PTPRD: variants seen among roughly 807,000 people sequenced by gnomAD.
The protein encoded by PTPRD is receptor-type tyrosine-protein phosphatase delta.
In PTPRD, 34 loss-of-function variants were observed where a neutral mutation model predicts 214.5. The ratio of observed to expected loss-of-function variants is 0.16; its 90% CI spans 0.12 to 0.21. The LOEUF (loss-of-function observed/expected upper bound fraction) is 0.21. PTPRD is among the 10% of genes least tolerant of loss of function. PTPRD has a pLI of 1.00. For missense variants in PTPRD, 2,545 were observed against 2,398.7 expected (o/e 1.06, Z -1.27); for synonymous variants, 1,128 against 845.7 (o/e 1.33, Z -5.79).
Position 8,521,553 on chromosome 9 carries a change from C to A in PTPRD, c.692-7G>T, listed in dbSNP as rs1219774902. On this transcript the variant is annotated splice_polypyrimidine_tract_variant and splice_region_variant and intron_variant, in intron 19 of 45. Transcript: ENST00000381196. ...CTTGGTGGGACACGGCGAACTGGAACAAAACACAAGGGAAATGATAACATA... is the reference window on the plus strand; with the variant it reads ...CTTGGTGGGACACGGCGAACTGGAAAAAAACACAAGGGAAATGATAACATA... 7 of 1,611,600 alleles carry A rather than the reference C, an allele frequency of 4.3e-6. No homozygotes were observed. In the South Asian group the frequency reaches 5.5e-5, roughly 13 times the overall value.
At chr9:8,384,789 A>G (rs2086392544) in intron 37 of PTPRD, among the ~76,000 whole-genome samples, 1 of 151,896 alleles carries the variant, frequency 6.6e-6, no homozygotes, top group African/African-American at 2.4e-5. Flanking sequence ...GCCTCTCAAA[A>G]CGCTGAGATT....
At chr9:10,197,677 G>C (rs2154330210) in intron 3 of PTPRD, among the ~76,000 whole-genome samples, 1 of 152,222 alleles carries the variant, frequency 6.6e-6, no homozygotes, top group Non-Finnish European at 1.5e-5. Flanking sequence ...TCACCAGTAG[G>C]TAGTGTTAGA....
chr9:10,390,172 A>G (rs1424621032), intron 2 of PTPRD, among the ~76,000 whole-genome samples: 2 of 151,836 alleles, frequency 1.3e-5, no homozygotes, highest in Non-Finnish European at 2.9e-5. Context: ...ATCATTTCAT[A>G]TGCTGTATAT....
intron 39 of PTPRD, among the ~76,000 whole-genome samples, chr9:8,342,218 A>T (rs540349108): frequency 3.9e-5 from 6 of 152,058 alleles, no homozygotes; most frequent in Non-Finnish European, 5.9e-5. Flanking sequence ...AAAATATTAA[A>T]TCCATAATCA....
intron 3 of PTPRD, among the ~76,000 whole-genome samples, chr9:10,037,398 T>A (rs143930666): frequency 6.6e-6 from 1 of 152,100 alleles, no homozygotes; most frequent in African/African-American, 2.4e-5. Flanking sequence ...GTGCAGCACC[T>A]CTCTGCACCC....
chr9:10,063,588 C>T (rs1482946256), intron 3 of PTPRD, among the ~76,000 whole-genome samples: 3 of 151,888 alleles, frequency 2.0e-5, no homozygotes, highest in Admixed American at 6.6e-5. Context: ...GGCAGAATAC[C>T]GCATATGTAA....
At chr9:8,985,288 T>C (rs1022298692) in intron 11 of PTPRD, among the ~76,000 whole-genome samples, 1 of 152,092 alleles carries the variant, frequency 6.6e-6, no homozygotes, top group African/African-American at 2.4e-5. Context: ...CAGAACTAGA[T>C]GATTGGATGC....
At chr9:9,959,988 G>A (rs1221090482) in intron 4 of PTPRD, among the ~76,000 whole-genome samples, 1 of 152,050 alleles carries the variant, frequency 6.6e-6, no homozygotes, top group Non-Finnish European at 1.5e-5. Flanking sequence ...TGCCTAGAGG[G>A]CCTAGAAGAA....
chr9:8,960,527 T>C (rs913546275), intron 11 of PTPRD, among the ~76,000 whole-genome samples: 4 of 152,004 alleles, frequency 2.6e-5, no homozygotes, highest in Non-Finnish European at 5.9e-5. Flanking sequence ...CAAAGTGCAG[T>C]TGGAAGATAG....
intron 7 of PTPRD, among the ~76,000 whole-genome samples, chr9:9,585,847 A>G (rs143237536): frequency 3.3e-5 from 5 of 152,032 alleles, no homozygotes; most frequent in African/African-American, 1.2e-4. Flanking sequence ...AAAATCTAAC[A>G]ATGAATAAAA....
At chr9:10,263,393 C>T (rs2093826306) in intron 3 of PTPRD, among the ~76,000 whole-genome samples, 2 of 152,210 alleles carry the variant, frequency 1.3e-5, no homozygotes, top group South Asian at 2.1e-4. Flanking sequence ...TTCCTAGAGA[C>T]TTGTTGGATG....
chr9:8,820,053 TTC>T (rs1380110189), intron 11 of PTPRD, among the ~76,000 whole-genome samples: 1 of 152,218 alleles, frequency 6.6e-6, no homozygotes, highest in African/African-American at 2.4e-5. Flanking sequence ...TGAAATTTCA[TTC>T]TCTGTTTGTA....
chr9:9,461,088 A>G (rs1360738175), intron 8 of PTPRD, among the ~76,000 whole-genome samples: 2 of 152,124 alleles, frequency 1.3e-5, no homozygotes, highest in Admixed American at 1.3e-4. Flanking sequence ...TAAACACTAT[A>G]TATTCTCACT....
At chr9:8,410,929 G>T (rs1007369913) in intron 35 of PTPRD, among the ~76,000 whole-genome samples, 2 of 152,002 alleles carry the variant, frequency 1.3e-5, no homozygotes, top group Non-Finnish European at 2.9e-5. Context: ...AATATCTGAG[G>T]TAAACTTTTG....
Position 8,314,899 on chromosome 9 carries a change from C to G in PTPRD, c.*2975G>C, listed in dbSNP as rs978621916. The G allele has an allele frequency of 2.2e-4, 52 of 232,376 alleles. No individual in the cohort carries two copies. The highest frequency in any genetic ancestry group is 1.2e-3 in the Middle Eastern group (1 of 804). The allele number at this position is 232,376 out of a possible 1,614,324, so 14.4% of individuals were successfully genotyped here. On this transcript the variant is annotated 3_prime_UTR_variant, in exon 46 of 46. Coordinates refer to ENST00000381196, the MANE Select transcript of PTPRD (RefSeq NM_002839.4). ...CAAAGTTCCCTAGAGGCCCTTCCCT[C>G]CCCTGGCTGTCCTCGCCGTTTTCTA...
chr9:10,200,665 A>T (rs542923068), intron 3 of PTPRD, among the ~76,000 whole-genome samples: 11 of 152,212 alleles, frequency 7.2e-5, no homozygotes, highest in African/African-American at 2.4e-4. Context: ...TCTCAAGGGG[A>T]GTTATTGCAG....
At chr9:9,595,490 A>C (rs1205072608) in intron 7 of PTPRD, among the ~76,000 whole-genome samples, 1 of 150,816 alleles carries the variant, frequency 6.6e-6, no homozygotes, top group African/African-American at 2.4e-5. Context: ...ACATGTATGC[A>C]TATGTACACA....
intron 39 of PTPRD, among the ~76,000 whole-genome samples, chr9:8,368,407 C>T (rs904248573): frequency 1.3e-5 from 2 of 152,044 alleles, no homozygotes; most frequent in African/African-American, 2.4e-5. Context: ...TTCTTAGGCA[C>T]GAAATGGGAA....
In PTPRD at chr9:9,699,949, A is replaced by G. The variant is rs867949872; in HGVS notation, c.-287+34584T>C. Reference sequence around the variant, plus strand: ...AGGAGCTTGGATTTGACAAGTATGCATTCCTCAGAATTATTTATGAATTCA... The same window carrying G: ...AGGAGCTTGGATTTGACAAGTATGCGTTCCTCAGAATTATTTATGAATTCA... On this transcript the variant is annotated intron_variant, in intron 7 of 45. Coordinates refer to ENST00000381196, the MANE Select transcript of PTPRD (RefSeq NM_002839.4). Among the ~76,000 whole-genome samples, 24 of 152,302 alleles carry G rather than the reference A, an allele frequency of 1.6e-4. 1 individual carries two copies. Among genetic ancestry groups the G allele is most frequent in the African/African-American group, 4.6e-4 (19 of 41,578 alleles).
Sources: allele counts gnomAD v4.1 joint callset (sites outside exome capture counted in the v4.1 genomes callset), GRCh38; gene constraint gnomAD v4.1.1; transcripts MANE v1.5; gene names NCBI Gene and HGNC (gene_info 2026-07-23, HGNC 2026-07-21).